Variants in GPHN observed in about 807,000 individuals in gnomAD.
GPHN encodes the protein gephyrin.
A neutral mutation model predicts 95.5 loss-of-function variants in GPHN; 17 were observed. That is an observed-to-expected ratio of 0.18 (90% CI 0.12 to 0.27). The LOEUF is 0.27. Among genes scored for constraint, GPHN ranks in the 10% least tolerant of loss-of-function variants. GPHN has a pLI of 1.00. For missense variants in GPHN, 660 were observed against 978.1 expected, an observed-to-expected ratio of 0.67 and a Z score of 4.34; for synonymous variants, 320 against 322.5, an observed-to-expected ratio of 0.99 and a Z score of 0.08.
intron 10 of GPHN, 139 bp from the exon 11 acceptor site, chr14:67,058,510 G>T: frequency 1.3e-6 from 1 of 747,366 alleles, no homozygotes; most frequent in Non-Finnish European, 2.4e-6. Flanking sequence ...CTGTATTTTG[G>T]AGGCAGGAGA....
chr14:67,238,870 TG>T, the GPHN span, among the ~76,000 whole-genome samples: 1 of 152,142 alleles, frequency 6.6e-6, no homozygotes, highest in Non-Finnish European at 1.5e-5. Context: ...TTTGAACTCC[TG>T]GGGTCAAGGG....
rs2057894809 is a variant in GPHN, at chr14:66,508,692, GAAGGC to G, written c.64+102_64+106del. On this transcript the variant is annotated intron_variant, in intron 1 of 22. Transcript: ENST00000478722. Reference sequence around the variant, plus strand: ...CCTTCTCTGCGGCCTCGGGAGGAGGGAAGGCTGAAGAAGGGAACCGCGGGGGTGCA... The same window carrying G: ...CCTTCTCTGCGGCCTCGGGAGGAGGGTGAAGAAGGGAACCGCGGGGGTGCA... 3 of 1,007,278 alleles carry G rather than the reference GAAGGC, an allele frequency of 3.0e-6. No homozygotes were observed. In the Admixed American group the frequency reaches 5.2e-5, roughly 17 times the overall value. 62.4% of individuals were successfully genotyped at this position (1,007,278 alleles called of 1,614,324 possible).
intron 9 of GPHN, among the ~76,000 whole-genome samples, chr14:66,980,969 A>G (rs1250766807): frequency 1.3e-5 from 2 of 152,200 alleles, no homozygotes; most frequent in African/African-American, 4.8e-5. Flanking sequence ...GAATCACTTG[A>G]ACCCGGGAGG....
intron 2 of GPHN, among the ~76,000 whole-genome samples, chr14:66,694,232 A>G (rs2153409575): frequency 6.6e-6 from 1 of 152,162 alleles, no homozygotes; most frequent in South Asian, 2.1e-4. Context: ...CCTTTCCCCT[A>G]CCACCATATG....
At chr14:67,463,596 G>A in the GPHN span, among the ~76,000 whole-genome samples, 1 of 136,200 alleles carries the variant, frequency 7.3e-6, no homozygotes, top group African/African-American at 2.8e-5. Flanking sequence ...CCAAGATTGC[G>A]CCACTGCACT....
intron 2 of GPHN, among the ~76,000 whole-genome samples, chr14:66,699,833 A>G (rs1393066893): frequency 6.6e-6 from 1 of 152,206 alleles, no homozygotes; most frequent in Non-Finnish European, 1.5e-5. Context: ...TGTTTTTACA[A>G]TCTGGTTGTT....
the GPHN span, chr14:67,223,617 AG>A: frequency 1.7e-6 from 1 of 591,894 alleles, no homozygotes; most frequent in Middle Eastern, 8.5e-4. Context: ...TTAAATCACA[AG>A]GGTGGCACAA....
At chr14:67,208,591 C>T in the GPHN span, 3 of 938,940 alleles carry the variant, frequency 3.2e-6, no homozygotes, top group African/African-American at 5.0e-5. Flanking sequence ...ATGATATAGT[C>T]AACTCTGAAT....
At chr14:67,727,640 G>A in the GPHN span, 5 of 211,490 alleles carry the variant, frequency 2.4e-5, no homozygotes, top group East Asian at 1.4e-4. Context: ...GCAATATCAC[G>A]CCTGGCTAAT....
chr14:66,603,036 A>C (rs1171185123), intron 1 of GPHN, among the ~76,000 whole-genome samples: 2 of 151,926 alleles, frequency 1.3e-5, no homozygotes, highest in Admixed American at 1.3e-4. Flanking sequence ...TTACAAGACT[A>C]AGATAGGTGT....
intron 17 of GPHN, among the ~76,000 whole-genome samples, chr14:67,138,504 T>C (rs1343212351): frequency 6.6e-6 from 1 of 152,196 alleles, no homozygotes; most frequent in African/African-American, 2.4e-5. Context: ...CTTATCACTA[T>C]TCAGAGTAAT....
chr14:67,488,338 G>T, the GPHN span, among the ~76,000 whole-genome samples: 2 of 152,256 alleles, frequency 1.3e-5, no homozygotes, highest in Admixed American at 6.5e-5. Flanking sequence ...AGGAGTGGGG[G>T]AACTGAAACT....
At chr14:66,668,355 G>A (rs572322708) in intron 1 of GPHN, among the ~76,000 whole-genome samples, 2 of 152,198 alleles carry the variant, frequency 1.3e-5, no homozygotes, top group African/African-American at 4.8e-5. Flanking sequence ...CAGTACTTAT[G>A]ACAATAGCAA....
chr14:66,944,664 G>A (rs2067634237), intron 8 of GPHN, among the ~76,000 whole-genome samples: 2 of 152,252 alleles, frequency 1.3e-5, no homozygotes, highest in Non-Finnish European at 2.9e-5. Context: ...CAGCTTAAAT[G>A]CAGGGCTGTA....
chr14:67,496,391 GTTTTTTTTTTTTTTTTT>G, the GPHN span, among the ~76,000 whole-genome samples: 5 of 30,108 alleles, frequency 1.7e-4, no homozygotes, highest in African/African-American at 3.9e-4. Flanking sequence ...CTGCTCCGGC[GTTTTTTTTTTTTTTTTT>G]TTTTTTTTTT....
At chr14:67,479,600 C>T in the GPHN span, among the ~76,000 whole-genome samples, 2 of 152,192 alleles carry the variant, frequency 1.3e-5, no homozygotes, top group East Asian at 3.9e-4. Flanking sequence ...CACCTGTAAT[C>T]CCAGCTACTC....
chr14:66,755,705 A>C (rs1227741755), intron 2 of GPHN, among the ~76,000 whole-genome samples: 1 of 152,108 alleles, frequency 6.6e-6, no homozygotes, highest in African/African-American at 2.4e-5. Flanking sequence ...TCATCAACCA[A>C]TGTTATGAGA....
At chr14:66,549,235 G>A (rs2059726402) in intron 1 of GPHN, among the ~76,000 whole-genome samples, 1 of 152,038 alleles carries the variant, frequency 6.6e-6, no homozygotes, top group Admixed American at 6.6e-5. Context: ...TGTCACAGGG[G>A]GTTGGTGAAC....
intron 1 of GPHN, among the ~76,000 whole-genome samples, chr14:66,517,505 C>T (rs2058297659): frequency 6.6e-6 from 1 of 152,106 alleles, no homozygotes; most frequent in South Asian, 2.1e-4. Flanking sequence ...ACAAAAAGGA[C>T]AAAGCTGGAG....
Sources: gnomAD v4.1 joint callset for allele counts (sites outside exome capture counted in the v4.1 genomes callset) on GRCh38, gnomAD v4.1.1 for gene constraint, MANE v1.5 for transcripts, NCBI Gene and HGNC (gene_info 2026-07-23, HGNC 2026-07-21) for gene names.